SCFD2: variants seen among roughly 807,000 people sequenced by gnomAD.
SCFD2 encodes the protein sec1 family domain containing 2.
In SCFD2, 54 loss-of-function variants were observed where a neutral mutation model predicts 58.9. That is an observed-to-expected ratio of 0.92 (90% CI 0.74 to 1.15). SCFD2 has a LOEUF of 1.15. Among genes scored for constraint, SCFD2 ranks in the 50% most tolerant of loss-of-function variants. SCFD2 has a pLI of 0.00. For missense variants in SCFD2, 805 were observed against 836.6 expected (o/e 0.96, Z 0.47); for synonymous variants, 321 against 335.9 (o/e 0.96, Z 0.49).
chr4:53,241,638 G>A (rs983200349), intron 4 of SCFD2, among the ~76,000 whole-genome samples: 26 of 152,244 alleles, frequency 1.7e-4, no homozygotes, highest in African/African-American at 5.5e-4. Flanking sequence ...CCTGCACATC[G>A]CTTTGCCAGC....
At chr4:53,276,765 C>T (rs953477407) in intron 3 of SCFD2, among the ~76,000 whole-genome samples, 3 of 152,102 alleles carry the variant, frequency 2.0e-5, no homozygotes, top group African/African-American at 7.2e-5. Flanking sequence ...AAACTGATTT[C>T]CAAAGTGGGC....
At chr4:52,909,003 C>T (rs1043190104) in intron 6 of SCFD2, among the ~76,000 whole-genome samples, 4 of 152,042 alleles carry the variant, frequency 2.6e-5, no homozygotes, top group Admixed American at 2.6e-4. Context: ...TAAAGCTATG[C>T]CAAGATGGAA....
intron 5 of SCFD2, among the ~76,000 whole-genome samples, chr4:53,112,885 C>T (rs149631957): frequency 2.0e-5 from 3 of 152,162 alleles, no homozygotes; most frequent in East Asian, 3.9e-4. Context: ...CTTTTCCTTA[C>T]GCATTCCCTA....
At position 53,208,876 on chromosome 4, in the gene SCFD2, G is replaced by A. The variant is rs373493177; in HGVS notation, c.1312-63294C>T. Among the ~76,000 whole-genome samples the A allele has an allele frequency of 1.3e-4, 20 of 152,188 alleles. No homozygotes were observed. In the East Asian group the frequency reaches 1.9e-3, roughly 15 times the overall value. ...GAAAGAGACTAATCTCAAGAAGCTC[G>A]GCCCTTTGAAAGTTTGCCTGCCTGC... On this transcript the variant is annotated intron_variant, in intron 4 of 8. Transcript: ENST00000401642.
chr4:53,357,675 C>T (rs1403183399), intron 1 of SCFD2, among the ~76,000 whole-genome samples: 1 of 151,944 alleles, frequency 6.6e-6, no homozygotes, highest in Non-Finnish European at 1.5e-5. Context: ...ATCTTCTGAA[C>T]CCTGAAATAA....
At chr4:53,105,233 T>C (rs570843939) in intron 5 of SCFD2, among the ~76,000 whole-genome samples, 74 of 151,998 alleles carry the variant, frequency 4.9e-4, no homozygotes, top group Non-Finnish European at 7.8e-4. Flanking sequence ...ACCAGTGCCC[T>C]GGGTTTCAAG....
intron 4 of SCFD2, among the ~76,000 whole-genome samples, chr4:53,173,299 C>G (rs1324512812): frequency 2.0e-5 from 3 of 152,144 alleles, no homozygotes; most frequent in East Asian, 1.9e-4. Flanking sequence ...TGTGCTCCAT[C>G]ATAAGCCAAG....
At chr4:53,179,329 G>C (rs760403669) in intron 4 of SCFD2, among the ~76,000 whole-genome samples, 3 of 152,312 alleles carry the variant, frequency 2.0e-5, no homozygotes, top group South Asian at 4.1e-4. Context: ...AGCCAGAAGA[G>C]AGTGGGGACC....
At chr4:53,274,032 C>A in intron 3 of SCFD2, 31 bp from the exon 4 acceptor site, 3 of 1,570,208 alleles carry the variant, frequency 1.9e-6, no homozygotes, top group Non-Finnish European at 2.6e-6. Context: ...CAGTGTACCC[C>A]CTTCTGGGAA....
chr4:53,324,990 C>A (rs1014745360), intron 2 of SCFD2, among the ~76,000 whole-genome samples: 1 of 152,192 alleles, frequency 6.6e-6, no homozygotes, highest in South Asian at 2.1e-4. Context: ...GGGTAAGGTT[C>A]TTGAGGCTTG....
At chr4:53,006,901 TG>T (rs1279315736) in intron 5 of SCFD2, among the ~76,000 whole-genome samples, 1 of 152,118 alleles carries the variant, frequency 6.6e-6, no homozygotes, top group Non-Finnish European at 1.5e-5. Context: ...AGCTCCTGCT[TG>T]CTCTGGCCAA....
intron 5 of SCFD2, among the ~76,000 whole-genome samples, chr4:53,075,280 T>C (rs1172486475): frequency 6.6e-6 from 1 of 152,248 alleles, no homozygotes; most frequent in Non-Finnish European, 1.5e-5. Flanking sequence ...GGGCTTGCTC[T>C]GGCTTAAGCT....
chr4:53,026,182 CCACT>C (rs1722470157), intron 5 of SCFD2, among the ~76,000 whole-genome samples: 1 of 152,134 alleles, frequency 6.6e-6, no homozygotes, highest in African/African-American at 2.4e-5. Flanking sequence ...CCCCTCAGTT[CCACT>C]CAGAGATTCT....
Position 52,885,806 on chromosome 4 carries a change from T to C in SCFD2, c.1903A>G (p.Thr635Ala). The C allele has an allele frequency of 6.2e-7, 1 of 1,614,146 alleles. No individual in the cohort carries two copies. The highest frequency in any genetic ancestry group is 1.1e-5 in the South Asian group (1 of 91,086). Residue 635 changes from threonine (T) to alanine (A), a missense_variant, in exon 8 of 9, where the codon ACA (threonine) becomes GCA (alanine). Thr to Ala is a moderately conservative substitution (Grantham distance 58, BLOSUM62 0). Transcript: ENST00000401642. ...TTGACCATTTTCACTTCAGAGACTG[T>C]GACCCCACCTACCACAAAGAGGATC... Reference protein sequence around the residue: ...LLILFVVGGVTVSEVKMVKDL... With the variant: ...LLILFVVGGVAVSEVKMVKDL...
At chr4:53,098,350 C>G (rs1577725307) in intron 5 of SCFD2, among the ~76,000 whole-genome samples, 1 of 152,130 alleles carries the variant, frequency 6.6e-6, no homozygotes, top group African/African-American at 2.4e-5. Context: ...AGGTCCTGGA[C>G]TTTTTTTGGT....
chr4:52,925,696 C>T (rs1040662886), intron 5 of SCFD2, among the ~76,000 whole-genome samples: 2 of 152,132 alleles, frequency 1.3e-5, no homozygotes, highest in African/African-American at 4.8e-5. Flanking sequence ...TGTCCAATTC[C>T]AGTCAATTCT....
At chr4:53,119,882 A>C (rs1416292839) in intron 5 of SCFD2, among the ~76,000 whole-genome samples, 1 of 152,194 alleles carries the variant, frequency 6.6e-6, no homozygotes, top group African/African-American at 2.4e-5. Flanking sequence ...GTTTTCCTTC[A>C]GTAATCAGGG....
At chr4:53,030,189 G>T (rs1252042119) in intron 5 of SCFD2, among the ~76,000 whole-genome samples, 1 of 152,064 alleles carries the variant, frequency 6.6e-6, no homozygotes, top group Non-Finnish European at 1.5e-5. Context: ...TACCTAAGAA[G>T]ATATATGAAT....
chr4:53,295,815 A>G (rs1162800493), intron 3 of SCFD2, among the ~76,000 whole-genome samples: 1 of 152,254 alleles, frequency 6.6e-6, no homozygotes, highest in Non-Finnish European at 1.5e-5. Context: ...CATTACATCA[A>G]TACATAGTTT....
Sources: allele counts gnomAD v4.1 joint callset (sites outside exome capture counted in the v4.1 genomes callset), GRCh38; gene constraint gnomAD v4.1.1; transcripts MANE v1.5; gene names NCBI Gene and HGNC (gene_info 2026-07-23, HGNC 2026-07-21).